The following TSHR variants were observed in gnomAD, a reference collection of about 807,000 sequenced individuals.
TSHR encodes thyrotropin receptor.
In TSHR, 51 loss-of-function variants were observed where a neutral mutation model predicts 64.1. That is an observed-to-expected ratio of 0.80 (90% CI 0.64 to 1.01). The LOEUF is 1.01. Among genes scored for constraint, TSHR ranks in the 50% least tolerant of loss-of-function variants. TSHR has a pLI of 0.00. For synonymous variants in TSHR, 361 were observed against 361.9 expected (o/e 1.00, Z 0.03); for missense variants, 877 against 942.8 (o/e 0.93, Z 0.91).
At chr14:81,033,556 G>GGTT (rs142598924) in intron 1 of TSHR, among the ~76,000 whole-genome samples, 18,060 of 140,218 alleles carry the variant, frequency 0.13, 1,334 homozygotes, top group Non-Finnish European at 0.17. Context: ...TTAAAATCAG[G>GGTT]GTTTTTTTTT....
At chr14:81,141,134 A>G (rs1891667610) in intron 9 of TSHR, among the ~76,000 whole-genome samples, 1 of 152,178 alleles carries the variant, frequency 6.6e-6, no homozygotes, top group African/African-American at 2.4e-5. Context: ...ATTCCATCAC[A>G]CACAGGCACA....
rs1594884981 is a variant in TSHR, at chr14:80,956,258, C to T, written c.170+408C>T. Among the ~76,000 whole-genome samples, 3 of 152,278 alleles carry T rather than the reference C, an allele frequency of 2.0e-5. No homozygotes were observed. The South Asian group carries it at 6.2e-4, about 32-fold the overall frequency. On this transcript the variant is annotated intron_variant, in intron 1 of 9. Coordinates refer to ENST00000298171, the MANE Select transcript of TSHR (RefSeq NM_000369.5). ...AAAAATTGCAAAAATATGTATTTCTCCTTTTTGTTTCTCTAGATGGGAGGT... is the reference window on the plus strand; with the variant it reads ...AAAAATTGCAAAAATATGTATTTCTTCTTTTTGTTTCTCTAGATGGGAGGT...
chr14:81,032,394 C>T (rs1400046084), intron 1 of TSHR: 1 of 222,476 alleles, frequency 4.5e-6, no homozygotes, highest in Non-Finnish European at 9.2e-6. Context: ...TTAGAGAAGA[C>T]TGTTGACACA....
At chr14:80,974,155 A>G (rs1887745656) in intron 1 of TSHR, among the ~76,000 whole-genome samples, 2 of 152,170 alleles carry the variant, frequency 1.3e-5, no homozygotes, top group African/African-American at 4.8e-5. Context: ...AGCCTGTCAG[A>G]TGTGGCCTGA....
intron 1 of TSHR, among the ~76,000 whole-genome samples, chr14:81,038,642 A>G (rs1884771862): frequency 6.6e-6 from 1 of 150,858 alleles, no homozygotes. Context: ...AGAGATTAAA[A>G]AGAAGCCATT....
intron 1 of TSHR, chr14:80,983,461 C>G: frequency 7.5e-7 from 1 of 1,329,232 alleles, no homozygotes; most frequent in Non-Finnish European, 1.1e-6. Context: ...GCACTGGCAG[C>G]ATCAAAACTC....
At chr14:81,032,941 A>C (rs989418272) in intron 1 of TSHR, 1 of 362,448 alleles carries the variant, frequency 2.8e-6, no homozygotes, top group Non-Finnish European at 5.4e-6. Context: ...ACAAGCTTCT[A>C]GTCAAAAGAG....
At chr14:81,104,684 C>G in intron 7 of TSHR, 3 of 985,400 alleles carry the variant, frequency 3.0e-6, no homozygotes, top group Non-Finnish European at 3.6e-6. Context: ...GTTTGTCAAT[C>G]GAATATTTTC....
chr14:81,102,175 GAA>G (rs78406514), intron 7 of TSHR, among the ~76,000 whole-genome samples: 10 of 117,586 alleles, frequency 8.5e-5, no homozygotes, highest in Admixed American at 4.4e-4. Context: ...CCATCTCAGG[GAA>G]AAAAAAAAAA....
chr14:80,978,421 G>A (rs1888002202), intron 1 of TSHR, among the ~76,000 whole-genome samples: 1 of 152,242 alleles, frequency 6.6e-6, no homozygotes, highest in African/African-American at 2.4e-5. Flanking sequence ...AGCGTTAGGA[G>A]TGCAAGTGGT....
intron 8 of TSHR, 170 bp downstream of exon 8, chr14:81,108,622 G>A (rs74566710): frequency 3.7e-6 from 6 of 1,613,810 alleles, no homozygotes; most frequent in Middle Eastern, 3.3e-4. Flanking sequence ...GCTACCTCTT[G>A]GAAGAAAGTC....
intron 1 of TSHR, among the ~76,000 whole-genome samples, chr14:81,047,241 T>C (rs1356454193): frequency 2.6e-5 from 4 of 152,096 alleles, no homozygotes; most frequent in African/African-American, 9.7e-5. Flanking sequence ...AAATCAAGAA[T>C]GGGAAGAACT....
intron 1 of TSHR, among the ~76,000 whole-genome samples, chr14:81,036,789 C>G (rs1304668469): frequency 6.6e-6 from 1 of 152,090 alleles, no homozygotes; most frequent in Non-Finnish European, 1.5e-5. Context: ...ATAGCTACAA[C>G]AAGTTGTTAA....
At chr14:80,999,579 T>A (rs976117864) in intron 1 of TSHR, among the ~76,000 whole-genome samples, 1 of 152,202 alleles carries the variant, frequency 6.6e-6, no homozygotes, top group Non-Finnish European at 1.5e-5. Flanking sequence ...ACATCGATAA[T>A]TAAACTATAC....
chr14:81,003,959 TACTA>T (rs1489219498), intron 1 of TSHR, among the ~76,000 whole-genome samples: 2 of 152,208 alleles, frequency 1.3e-5, no homozygotes, highest in Non-Finnish European at 2.9e-5. Flanking sequence ...TAAGGGCTTG[TACTA>T]ACTATCATGT....
intron 8 of TSHR, among the ~76,000 whole-genome samples, chr14:81,137,009 T>C (rs1891481836): frequency 6.6e-6 from 1 of 152,164 alleles, no homozygotes; most frequent in Non-Finnish European, 1.5e-5. Flanking sequence ...CCACCCTTGG[T>C]TCACTGTATC....
At chr14:81,121,901 C>G (rs76956096) in intron 8 of TSHR, among the ~76,000 whole-genome samples, 45,725 of 149,776 alleles carry the variant, frequency 0.31, 7,865 homozygotes, top group East Asian at 0.53. Flanking sequence ...CGAGATTGCA[C>G]CACTGCACTC....
At chr14:81,076,589 T>G (rs575297378) in intron 3 of TSHR, among the ~76,000 whole-genome samples, 1 of 152,308 alleles carries the variant, frequency 6.6e-6, no homozygotes, top group East Asian at 1.9e-4. Flanking sequence ...TTCATCCTGA[T>G]GCAAATCCCA....
At chr14:80,995,231 T>G (rs1485419549) in intron 1 of TSHR, 2 of 152,040 alleles carry the variant, frequency 1.3e-5, no homozygotes, top group Non-Finnish European at 2.9e-5. Flanking sequence ...TTTACCCTGT[T>G]GGGAGTGTAA....
Sources: allele counts gnomAD v4.1 joint callset (sites outside exome capture counted in the v4.1 genomes callset), GRCh38; gene constraint gnomAD v4.1.1; transcripts MANE v1.5; gene names NCBI Gene and HGNC (gene_info 2026-07-23, HGNC 2026-07-21).